NF1: variants seen among roughly 807,000 people sequenced by gnomAD.
NF1 encodes neurofibromin 1.
Under a neutral mutation model 325.7 loss-of-function variants are expected in NF1, and 122 were observed. The observed-to-expected ratio is 0.37, with a 90% CI of 0.32 to 0.44. The LOEUF (loss-of-function observed/expected upper bound fraction) is 0.44. Among genes scored for constraint, NF1 ranks in the 20% least tolerant of loss-of-function variants. NF1 has a pLI of 1.00. For synonymous variants in NF1, 1,091 were observed against 1,186.0 expected (o/e 0.92, Z 1.65); for missense variants, 2,140 against 3,415.4 (o/e 0.63, Z 9.31).
chr17:31,170,043 A>C, intron 5 of NF1, 46 bp downstream of exon 5: 1 of 1,218,192 alleles, frequency 8.2e-7, no homozygotes, highest in Non-Finnish European at 1.2e-6. Context: ...ACTGGGTCAA[A>C]AACTAGTATC....
At position 31,199,362 on chromosome 17, in the gene NF1, C is replaced by A. The variant is rs1299626918; in HGVS notation, c.889-1060C>A. ...CTATTAGTTAACATTCACAAATTTT[C>A]ACATATTTGTGAATTTTTTAGTTTT... On this transcript the variant is annotated intron_variant, in intron 8 of 57. Coordinates refer to ENST00000358273, the MANE Select transcript of NF1 (RefSeq NM_001042492.3). 2.6e-5 allele frequency among the ~76,000 whole-genome samples: 4 copies of A among 152,218 alleles called. No homozygotes were observed. In the South Asian group the frequency reaches 8.3e-4, roughly 32 times the overall value.
chr17:31,236,062 T>G (rs1435737025), intron 29 of NF1, 41 bp downstream of exon 29: 2 of 1,489,690 alleles, frequency 1.3e-6, no homozygotes, highest in South Asian at 1.2e-5. Context: ...TTTTTGTTTT[T>G]TTTTTTTTGT....
At chr17:31,357,226 C>T in intron 53 of NF1, 43 bp from the exon 54 acceptor site, 1 of 1,596,774 alleles carries the variant, frequency 6.3e-7, no homozygotes, top group Non-Finnish European at 8.6e-7. Flanking sequence ...AATTCAGCCA[C>T]AAAGTAAAAA....
chr17:31,101,114 C>T (rs906178048), intron 1 of NF1, among the ~76,000 whole-genome samples: 1 of 152,016 alleles, frequency 6.6e-6, no homozygotes, highest in Non-Finnish European at 1.5e-5. Context: ...TACTGTTTAT[C>T]CACCCATTTC....
intron 12 of NF1, among the ~76,000 whole-genome samples, 161 bp from the exon 13 acceptor site, chr17:31,214,286 TACTG>T (rs1465544347): frequency 1.3e-5 from 2 of 152,140 alleles, no homozygotes; most frequent in East Asian, 3.8e-4. Context: ...AGCTTAATAA[TACTG>T]ACCTTATGCT....
chr17:31,214,152 T>A (rs906017951), intron 12 of NF1, among the ~76,000 whole-genome samples: 15 of 152,096 alleles, frequency 9.9e-5, no homozygotes, highest in Admixed American at 3.9e-4. Flanking sequence ...TAGAAAATAG[T>A]TTTTTACATA....
intron 12 of NF1, among the ~76,000 whole-genome samples, chr17:31,206,605 C>T (rs1449298614): frequency 6.6e-6 from 1 of 152,000 alleles, no homozygotes; most frequent in African/African-American, 2.4e-5. Flanking sequence ...TCACAAAACA[C>T]TGAAAGTCTT....
Position 31,334,698 on chromosome 17 carries a change from T to A in NF1, c.5813-140T>A, listed in dbSNP as rs1385170626. On this transcript the variant is annotated intron_variant, in intron 39 of 57. Transcript: ENST00000358273. ...TTCTTCGCCTCTACAAAAATATATT[T>A]GCCAAGTGTCTTTTCTCCAGGCCTG... 8.8e-6 allele frequency: 6 copies of A among 681,968 alleles called. No homozygotes were observed. The East Asian group carries it at 1.6e-4, about 19-fold the overall frequency. 42.2% of individuals were successfully genotyped at this position (681,968 alleles called of 1,614,324 possible). A position where few individuals can be genotyped will look rare whatever the true frequency, so the allele number is the denominator to read the frequency against.
intron 57 of NF1, chr17:31,362,283 T>C (rs1002832923): frequency 2.3e-4 from 224 of 985,284 alleles, no homozygotes; most frequent in Non-Finnish European, 2.6e-4. Flanking sequence ...TTACTTTTTT[T>C]ACAGATACTG....
intron 29 of NF1, among the ~76,000 whole-genome samples, chr17:31,242,811 C>T (rs1030003744): frequency 1.3e-5 from 2 of 152,116 alleles, no homozygotes; most frequent in South Asian, 2.1e-4. Flanking sequence ...TTAATTCCTT[C>T]GGTGGGTCAT....
At chr17:31,158,927 T>A in intron 2 of NF1, 83 bp from the exon 3 acceptor site, 1 of 794,038 alleles carries the variant, frequency 1.3e-6, no homozygotes, top group Non-Finnish European at 2.2e-6. Flanking sequence ...TGTTGATCTT[T>A]TAGTCTTTCA....
rs529201278 is a variant in NF1 at position 31,198,778 on chromosome 17, G to A, written c.889-1644G>A. On this transcript the variant is annotated intron_variant, in intron 8 of 57. Transcript: ENST00000358273. ...TACAGGCATGCACCACCATGCCTGTGTAATTTTTGTCTTCTTTACAGTAGA... is the reference window on the plus strand; with the variant it reads ...TACAGGCATGCACCACCATGCCTGTATAATTTTTGTCTTCTTTACAGTAGA... Among the ~76,000 whole-genome samples the A allele has an allele frequency of 3.3e-5, 5 of 151,914 alleles. No homozygotes were observed. The East Asian group carries it at 9.7e-4, about 30-fold the overall frequency.
intron 1 of NF1, among the ~76,000 whole-genome samples, chr17:31,100,734 TA>T (rs1183018806): frequency 2.6e-5 from 4 of 152,180 alleles, no homozygotes; most frequent in Middle Eastern, 3.4e-3. Context: ...CACGCCCAGC[TA>T]ATTTTGTATT....
intron 36 of NF1, among the ~76,000 whole-genome samples, chr17:31,299,055 A>G (rs1377356035): frequency 6.6e-6 from 1 of 152,084 alleles, no homozygotes; most frequent in Non-Finnish European, 1.5e-5. Context: ...TTCCAGTGCA[A>G]TAGTAGTGGC....
chr17:31,207,713 T>A (rs971531198), intron 12 of NF1, among the ~76,000 whole-genome samples: 3 of 152,176 alleles, frequency 2.0e-5, no homozygotes, highest in African/African-American at 4.8e-5. Context: ...GCATAAATAA[T>A]AGCTGTTTAA....
At chr17:31,195,870 A>G (rs1338665749) in intron 8 of NF1, among the ~76,000 whole-genome samples, 1 of 152,048 alleles carries the variant, frequency 6.6e-6, no homozygotes, top group African/African-American at 2.4e-5. Flanking sequence ...CCTTTTGGCT[A>G]TTATAAATAA....
At chr17:31,269,565 C>A (rs181689672) in intron 36 of NF1, among the ~76,000 whole-genome samples, 59 of 152,304 alleles carry the variant, frequency 3.9e-4, no homozygotes, top group African/African-American at 1.4e-3. Flanking sequence ...ACTCATGTAC[C>A]TAAGAAAATC....
At chr17:31,316,204 A>G (rs1308436431) in intron 36 of NF1, among the ~76,000 whole-genome samples, 2 of 152,198 alleles carry the variant, frequency 1.3e-5, no homozygotes, top group Admixed American at 6.5e-5. Context: ...TAAATCCCTG[A>G]ATTAAGCTGG....
intron 57 of NF1, chr17:31,367,214 T>G: frequency 7.6e-7 from 1 of 1,308,302 alleles, no homozygotes; most frequent in South Asian, 1.2e-5. Context: ...TTTCTTCCAT[T>G]CTTTGTAAAG....
Sources: allele counts gnomAD v4.1 joint callset (sites outside exome capture counted in the v4.1 genomes callset), GRCh38; gene constraint gnomAD v4.1.1; transcripts MANE v1.5; gene names NCBI Gene and HGNC (gene_info 2026-07-23, HGNC 2026-07-21).